KIAA0232: variants seen among roughly 807,000 people sequenced by gnomAD.
KIAA0232 encodes KIAA0232.
KIAA0232 carries 27 observed loss-of-function variants against 122.0 expected under a neutral mutation model. The observed-to-expected ratio is 0.22, with a 90% CI of 0.16 to 0.31. The LOEUF (loss-of-function observed/expected upper bound fraction) is 0.31. Ranked by LOEUF, KIAA0232 falls within the 10% of genes least tolerant of loss-of-function variation. KIAA0232 has a pLI of 1.00. For missense variants in KIAA0232, 1,551 were observed against 1,634.2 expected (o/e 0.95, Z 0.88); for synonymous variants, 613 against 587.6 (o/e 1.04, Z -0.63).
At chr4:6,844,543 C>T (rs1719853372) in intron 4 of KIAA0232, among the ~76,000 whole-genome samples, 1 of 152,248 alleles carries the variant, frequency 6.6e-6, no homozygotes, top group East Asian at 1.9e-4. Context: ...TCAAGCGATT[C>T]TCCTGCCTCA....
intron 3 of KIAA0232, among the ~76,000 whole-genome samples, chr4:6,841,416 T>C (rs1426987338): frequency 6.6e-6 from 1 of 152,210 alleles, no homozygotes; most frequent in Non-Finnish European, 1.5e-5. Context: ...AAGGCAAATA[T>C]CAAGATACAA....
chr4:6,851,735 A>AAG (rs1720298713), intron 4 of KIAA0232, among the ~76,000 whole-genome samples: 1 of 151,446 alleles, frequency 6.6e-6, no homozygotes, highest in Non-Finnish European at 1.5e-5. Context: ...AAAAAAAAAA[A>AAG]AAAAAAAGCG....
chr4:6,806,944 T>G (rs892044531), intron 2 of KIAA0232, among the ~76,000 whole-genome samples: 2 of 152,002 alleles, frequency 1.3e-5, no homozygotes, highest in Admixed American at 1.3e-4. Flanking sequence ...AGAAGTCTGT[T>G]TAGTACTTCT....
chr4:6,793,651 G>T (rs751124200), intron 1 of KIAA0232, among the ~76,000 whole-genome samples: 1 of 152,120 alleles, frequency 6.6e-6, no homozygotes, highest in African/African-American at 2.4e-5. Flanking sequence ...AAAGTGGTCA[G>T]AATTCTTGGT....
chr4:6,851,411 T>C (rs978573608), intron 4 of KIAA0232, among the ~76,000 whole-genome samples: 2 of 152,110 alleles, frequency 1.3e-5, no homozygotes, highest in African/African-American at 2.4e-5. Context: ...TTGCATATCA[T>C]AAAAAATAGG....
chr4:6,783,950 C>A (rs1415143601), intron 1 of KIAA0232, among the ~76,000 whole-genome samples: 1 of 152,150 alleles, frequency 6.6e-6, no homozygotes, highest in Non-Finnish European at 1.5e-5. Context: ...TCGTCTTGCC[C>A]TAGAATTCAG....
Position 6,861,488 on chromosome 4 carries a change from C to T in KIAA0232, c.1106C>T (p.Pro369Leu), listed in dbSNP as rs144821735. 1.8e-4 allele frequency: 285 copies of T among 1,614,046 alleles called. No individual in the cohort carries two copies. In the African/African-American group the frequency reaches 3.3e-3, roughly 19 times the overall value. ...VKQLCKRGKR[P>L]LKEIGRKDPG... ...CAGCTGTGCAAGCGGGGTAAGAGAC[C>T]TTTAAAAGAAATAGGGAGAAAAGAT... Residue 369 changes from proline (P) to leucine (L), a missense_variant, in exon 7 of 10, where the codon CCT becomes CTT. Transcript: ENST00000307659.
At chr4:6,787,689 T>G (rs936496179) in intron 1 of KIAA0232, among the ~76,000 whole-genome samples, 4 of 152,222 alleles carry the variant, frequency 2.6e-5, no homozygotes, top group African/African-American at 9.6e-5. Flanking sequence ...TTACTCCTTA[T>G]GAAGATAGTT....
chr4:6,866,441 C>G (rs1053763314), intron 7 of KIAA0232, among the ~76,000 whole-genome samples: 1 of 152,208 alleles, frequency 6.6e-6, no homozygotes, highest in Admixed American at 6.5e-5. Flanking sequence ...TTCATAGATT[C>G]ATCTGAGATG....
chr4:6,842,636 A>G (rs1284373984), intron 4 of KIAA0232, among the ~76,000 whole-genome samples: 1 of 146,398 alleles, frequency 6.8e-6, no homozygotes, highest in Non-Finnish European at 1.5e-5. Context: ...CCCAGGCTGG[A>G]GTGCAGTGGT....
chr4:6,815,524 C>T (rs1288539922), intron 2 of KIAA0232, among the ~76,000 whole-genome samples: 4 of 152,178 alleles, frequency 2.6e-5, no homozygotes, highest in Non-Finnish European at 5.9e-5. Flanking sequence ...AATGAATACT[C>T]TTTAGCTCCA....
rs755080807 is a variant in KIAA0232, at chr4:6,862,600, G to A, written c.2218G>A (p.Glu740Lys). ...TGAAGAATCCACACAGTTTAATGCC[G>A]AAGATATTAATTATGTAGTTCCTAG... is the stretch of plus-strand genomic sequence containing the variant. ...QFEESTQFNA[E>K]DINYVVPRVS... The change falls in exon 7 of 10, where the codon GAA (glutamate) becomes AAA (lysine). Residue 740 changes from glutamate to lysine, a missense_variant. Glu to Lys is a moderately conservative substitution (Grantham distance 56). Around this residue, in one of 5 missense-constraint regions of KIAA0232, gnomAD observed 1,108 missense variants for 1,154.8 expected, o/e 0.96. Transcript: ENST00000307659. The A allele has an allele frequency of 8.1e-6, 13 of 1,613,590 alleles. No individual in the cohort carries two copies. Among genetic ancestry groups the A allele is most frequent in the East Asian group, 2.2e-5 (1 of 44,874 alleles).
At chr4:6,840,991 A>T (rs1178019338) in intron 3 of KIAA0232, among the ~76,000 whole-genome samples, 1 of 152,226 alleles carries the variant, frequency 6.6e-6, no homozygotes, top group Non-Finnish European at 1.5e-5. Context: ...CCTTAAAAAA[A>T]CAGCATGAGG....
chr4:6,823,437 A>G (rs1184805925), intron 2 of KIAA0232, among the ~76,000 whole-genome samples: 1 of 152,212 alleles, frequency 6.6e-6, no homozygotes, highest in African/African-American at 2.4e-5. Flanking sequence ...CCTCTCCAGC[A>G]AGAAGACAAG....
intron 1 of KIAA0232, among the ~76,000 whole-genome samples, chr4:6,788,969 T>G (rs889681288): frequency 1.1e-4 from 16 of 150,738 alleles, no homozygotes; most frequent in Admixed American, 6.6e-5. Flanking sequence ...TTTTCTTTCT[T>G]TTTTTTTTAT....
intron 1 of KIAA0232, among the ~76,000 whole-genome samples, chr4:6,800,145 T>C (rs1379467851): frequency 8.2e-6 from 1 of 121,468 alleles, no homozygotes; most frequent in Non-Finnish European, 1.7e-5. Flanking sequence ...GCAACCTCCA[T>C]CTCCCGGGTT....
In KIAA0232 at chr4:6,855,648, C is replaced by T. The variant is rs758449076; in HGVS notation, c.370-1516C>T. On this transcript the variant is annotated intron_variant, in intron 4 of 9. Coordinates refer to ENST00000307659, the MANE Select transcript of KIAA0232 (RefSeq NM_014743.3). The surrounding 1 kb of genome is among the most constrained non-coding windows in gnomAD (Gnocchi z 4.3). ...TTCTAAGACAAAGCATGAAAAAATA[C>T]GTAGTCACTAGGTTGTAATGACCAT... 2.0e-5 allele frequency among the ~76,000 whole-genome samples: 3 copies of T among 151,906 alleles called. No homozygotes were observed. Among genetic ancestry groups the T allele is most frequent in the Non-Finnish European group, 4.4e-5 (3 of 68,004 alleles).
chr4:6,817,928 T>C (rs1482191731), intron 2 of KIAA0232, among the ~76,000 whole-genome samples: 3 of 152,214 alleles, frequency 2.0e-5, no homozygotes, highest in Non-Finnish European at 4.4e-5. Flanking sequence ...TGACCTTCTT[T>C]ATCTCTGTTA....
intron 4 of KIAA0232, among the ~76,000 whole-genome samples, chr4:6,850,911 G>A (rs754346113): frequency 6.6e-6 from 1 of 152,042 alleles, no homozygotes; most frequent in Non-Finnish European, 1.5e-5. Context: ...CTCGTGATCC[G>A]CCCACCTCGG....
Sources: allele counts gnomAD v4.1 joint callset (sites outside exome capture counted in the v4.1 genomes callset), GRCh38; gene constraint gnomAD v4.1.1; regional missense constraint gnomAD v4.1.1; non-coding constraint Gnocchi (gnomAD v3.1); transcripts MANE v1.5; gene names NCBI Gene and HGNC (gene_info 2026-07-23, HGNC 2026-07-21).